WDFY3: variants seen among roughly 807,000 people sequenced by gnomAD.
WDFY3 encodes the protein WD repeat and FYVE domain-containing protein 3.
In WDFY3, 66 loss-of-function variants were observed where a neutral mutation model predicts 409.6. The ratio of observed to expected loss-of-function variants is 0.16; its 90% CI spans 0.13 to 0.20. The LOEUF (loss-of-function observed/expected upper bound fraction) is 0.20, where lower values mean the gene tolerates loss of function less well. Ranked by LOEUF, WDFY3 falls within the 10% of genes least tolerant of loss-of-function variation. WDFY3 has a pLI of 1.00. For synonymous variants in WDFY3, 1,521 were observed against 1,537.1 expected, an observed-to-expected ratio of 0.99 and a Z score of 0.25; for missense variants, 3,031 against 4,298.1, an observed-to-expected ratio of 0.71 and a Z score of 8.24.
At chr4:84,736,714 C>T (rs1737493260) in intron 41 of WDFY3, among the ~76,000 whole-genome samples, 1 of 151,894 alleles carries the variant, frequency 6.6e-6, no homozygotes, top group South Asian at 2.1e-4. Context: ...ATAATGCCAC[C>T]AGAGAATCTA....
At chr4:84,933,769 C>T (rs1245071262) in intron 1 of WDFY3, among the ~76,000 whole-genome samples, 1 of 152,126 alleles carries the variant, frequency 6.6e-6, no homozygotes, top group African/African-American at 2.4e-5. Context: ...TGAGTGAAGA[C>T]ATGCAAAGTT....
intron 43 of WDFY3, among the ~76,000 whole-genome samples, chr4:84,734,241 A>T (rs1435980712): frequency 6.6e-6 from 1 of 152,228 alleles, no homozygotes; most frequent in East Asian, 1.9e-4. Flanking sequence ...TTATCTATCA[A>T]ATGACAAATA....
intron 27 of WDFY3, among the ~76,000 whole-genome samples, chr4:84,778,003 C>G (rs1339245218): frequency 6.6e-6 from 1 of 151,986 alleles, no homozygotes; most frequent in African/African-American, 2.4e-5. Flanking sequence ...GTATGTAGGA[C>G]AGCCTGAGCA....
chr4:84,754,012 G>A (rs926943207), intron 34 of WDFY3, 136 bp from the exon 35 acceptor site: 1 of 959,144 alleles, frequency 1.0e-6, no homozygotes, highest in Admixed American at 3.9e-5. Context: ...CCACACATAT[G>A]AGCAAACACA....
intron 17 of WDFY3, among the ~76,000 whole-genome samples, chr4:84,800,210 A>G (rs940601303): frequency 6.6e-6 from 1 of 152,228 alleles, no homozygotes; most frequent in Non-Finnish European, 1.5e-5. Flanking sequence ...TTCTTAATCC[A>G]CAATCAGTTT....
chr4:84,826,676 T>TAAA (rs796363533), intron 10 of WDFY3, 139 bp downstream of exon 10: 1 of 692,774 alleles, frequency 1.4e-6, no homozygotes, highest in South Asian at 6.0e-5. Context: ...CTTAAACCAT[T>TAAA]AAAAAAAAAA....
At chr4:84,833,683 A>AAAGAAAAGAAAAGAAAAGAG (rs1756107703) in intron 7 of WDFY3, among the ~76,000 whole-genome samples, 2 of 137,854 alleles carry the variant, frequency 1.5e-5, no homozygotes, top group Admixed American at 1.4e-4. Context: ...AAAGAAAAGA[A>AAAGAAAAGAAAAGAAAAGAG]AAGAAAAGAG....
rs1052935838 is a variant in WDFY3, at chr4:84,926,445, G to A, written c.-132+5825C>T. On this transcript the variant is annotated intron_variant, in intron 2 of 67. Transcript: ENST00000295888. ...TAGTAATACAATTTTATTTTGCTAC[G>A]TATTTTTTTCTGATTATAAAAACTT... Among the ~76,000 whole-genome samples, 9 of 151,706 alleles carry A rather than the reference G, an allele frequency of 5.9e-5. No homozygotes were observed. The South Asian group carries it at 1.3e-3, about 21-fold the overall frequency.
intron 14 of WDFY3, chr4:84,809,609 T>G: frequency 3.2e-6 from 1 of 307,780 alleles, no homozygotes; most frequent in Middle Eastern, 9.5e-4. Context: ...CAGTAAACAC[T>G]ATCATTAAAG....
rs372746327 is a variant in WDFY3, at chr4:84,784,035, T to C, written c.4063-961A>G. On this transcript the variant is annotated intron_variant, in intron 24 of 67. Coordinates refer to ENST00000295888, the MANE Select transcript of WDFY3 (RefSeq NM_014991.6). ...GAGTTCACCTTGCTAAACCCCATAG[T>C]CAGTCCTCACTTCTTATCTTACTGT... 7.9e-5 allele frequency among the ~76,000 whole-genome samples: 12 copies of C among 152,258 alleles called. No homozygotes were observed. In the East Asian group the frequency reaches 1.5e-3, roughly 20 times the overall value.
At chr4:84,886,245 T>C (rs1366656094) in intron 3 of WDFY3, 1 of 152,176 alleles carries the variant, frequency 6.6e-6, no homozygotes, top group Non-Finnish European at 1.5e-5. Flanking sequence ...TGAATTTAGT[T>C]CAACCCTAAA....
At chr4:84,852,538 CAATA>C (rs1759170032) in intron 4 of WDFY3, among the ~76,000 whole-genome samples, 1 of 152,118 alleles carries the variant, frequency 6.6e-6, no homozygotes, top group Non-Finnish European at 1.5e-5. Flanking sequence ...AATGCTAAAA[CAATA>C]AATAAATTCT....
chr4:84,739,042 G>T lies in WDFY3; in HGVS notation c.6542C>A (p.Pro2181Gln), dbSNP rs1427757620. 3.1e-6 allele frequency: 5 copies of T among 1,613,946 alleles called. No homozygotes were observed. The highest frequency in any genetic ancestry group is 4.2e-6 in the Non-Finnish European group (5 of 1,179,968). ...AATATCTTGGCTGTAACTACCATCT[G>T]GTTCAATGTCCGAGGGGATCATAAT... ...WHIMIPSDIE[P>Q]DGSYSQDISE... Residue 2181 changes from proline (P) to glutamine (Q), a missense_variant, in exon 40 of 68, where the codon CCA (proline) becomes CAA (glutamine). This residue lies in a region of WDFY3 where 314 missense variants were observed against 397.4 expected (regional missense o/e 0.79). Coordinates refer to ENST00000295888, the MANE Select transcript of WDFY3 (RefSeq NM_014991.6).
intron 44 of WDFY3, among the ~76,000 whole-genome samples, chr4:84,729,954 T>C (rs1376300853): frequency 6.6e-6 from 1 of 152,152 alleles, no homozygotes; most frequent in South Asian, 2.1e-4. Flanking sequence ...GTACTGACTA[T>C]ATTAAACATG....
At chr4:84,918,342 C>T (rs1309729543) in intron 2 of WDFY3, among the ~76,000 whole-genome samples, 5 of 152,036 alleles carry the variant, frequency 3.3e-5, no homozygotes, top group Non-Finnish European at 7.4e-5. Flanking sequence ...TGTACATACA[C>T]ACAAAAGAAT....
At chr4:84,695,467 G>GTA (rs1338040141) in intron 58 of WDFY3, among the ~76,000 whole-genome samples, 1 of 150,868 alleles carries the variant, frequency 6.6e-6, no homozygotes, top group Non-Finnish European at 1.5e-5. Context: ...GTGTGTGTGT[G>GTA]TGTGTGTGTG....
intron 3 of WDFY3, among the ~76,000 whole-genome samples, chr4:84,864,895 T>C (rs557140311): frequency 2.0e-5 from 3 of 152,206 alleles, no homozygotes; most frequent in East Asian, 1.9e-4. Context: ...TAAATCTTTT[T>C]TTTTTCTTTT....
intron 1 of WDFY3, among the ~76,000 whole-genome samples, chr4:84,946,243 T>C (rs988627965): frequency 3.9e-5 from 6 of 152,226 alleles, no homozygotes; most frequent in African/African-American, 1.4e-4. Flanking sequence ...GTTAGGGCTT[T>C]GTGCTCAGAT....
chr4:84,850,926 C>CTTTTTTTTTTTTTTTTTTT lies in WDFY3; in HGVS notation c.181-902_181-901insAAAAAAAAAAAAAAAAAAA, dbSNP rs781440189. On this transcript the variant is annotated intron_variant, in intron 4 of 67. Transcript: ENST00000295888. ...AATTCTTATTTTTAATTTTATTTAT[C>CTTTTTTTTTTTTTTTTTTT]TGTTTTTTTTTTTTTTTTTTTTTTT... 1.8e-3 allele frequency among the ~76,000 whole-genome samples: 57 copies of CTTTTTTTTTTTTTTTTTTT among 32,156 alleles called. 7 individuals are homozygous for CTTTTTTTTTTTTTTTTTTT. The highest frequency in any genetic ancestry group is 4.2e-3 in the South Asian group (3 of 722). 21.1% of individuals were successfully genotyped at this position (32,156 alleles called of 152,430 possible).
Sources: gnomAD v4.1 joint callset for allele counts (sites outside exome capture counted in the v4.1 genomes callset) on GRCh38, gnomAD v4.1.1 for gene constraint, gnomAD v4.1.1 regional missense constraint, MANE v1.5 for transcripts, NCBI Gene and HGNC (gene_info 2026-07-23, HGNC 2026-07-21) for gene names.